CECR2: variants seen among roughly 807,000 people sequenced by gnomAD.
The protein encoded by CECR2 is CECR2 histone acetyl-lysine reader.
CECR2 carries 30 observed loss-of-function variants against 154.5 expected under a neutral mutation model. The observed-to-expected ratio is 0.19, with a 90% CI of 0.15 to 0.26. The LOEUF is 0.26. CECR2 is among the 10% of genes least tolerant of loss of function. The pLI is 1.00. For missense variants in CECR2, 1,743 were observed against 1,829.3 expected (o/e 0.95, Z 0.86); for synonymous variants, 725 against 683.7 (o/e 1.06, Z -0.94).
chr22:17,426,806 G>A (rs5747126), intron 1 of CECR2, among the ~76,000 whole-genome samples: 10,229 of 151,940 alleles, frequency 0.067, 936 homozygotes, highest in East Asian at 0.36. Context: ...GGTTCTCTCT[G>A]TGTCCTATAA....
intron 9 of CECR2, among the ~76,000 whole-genome samples, chr22:17,532,700 C>CTTTTTTTTTTTTTTTTTTTTT (rs695634): frequency 2.8e-5 from 1 of 35,770 alleles, no homozygotes; most frequent in African/African-American, 1.2e-4. Flanking sequence ...CATTATTATT[C>CTTTTTTTTTTTTTTTTTTTTT]TTTTTTTTTT....
chr22:17,546,437 GAT>G (rs1171886906), intron 16 of CECR2, among the ~76,000 whole-genome samples: 2 of 138,488 alleles, frequency 1.4e-5, no homozygotes, highest in African/African-American at 2.8e-5. Context: ...AGTGAGCCGA[GAT>G]CGCGCCACTG....
At position 17,541,819 on chromosome 22, in the gene CECR2, CT is replaced by C. The variant is rs768597921; in HGVS notation, c.1885-17del. 1.3e-6 allele frequency: 2 copies of C among 1,593,318 alleles called. No homozygotes were observed. Among genetic ancestry groups the C allele is most frequent in the South Asian group, 1.1e-5 (1 of 87,970 alleles). Reference sequence around the variant, plus strand: ...GTGCCTTTCCTTTTTCCTCTTCTTGCTTTGTTCAATGTGCTGCAGAGGCCAG... The same window carrying C: ...GTGCCTTTCCTTTTTCCTCTTCTTGCTTGTTCAATGTGCTGCAGAGGCCAG... On this transcript the variant is annotated intron_variant, in intron 14 of 18. Coordinates refer to ENST00000262608, the MANE Select transcript of CECR2 (RefSeq NM_001290047.2).
intron 1 of CECR2, among the ~76,000 whole-genome samples, chr22:17,385,736 G>A (rs1391793327): frequency 6.6e-6 from 1 of 152,056 alleles, no homozygotes; most frequent in Non-Finnish European, 1.5e-5. Flanking sequence ...TCGCAGGGTC[G>A]GCACGAAATC....
At chr22:17,550,915 C>T (rs1161257028) in intron 17 of CECR2, among the ~76,000 whole-genome samples, 1 of 152,028 alleles carries the variant, frequency 6.6e-6, no homozygotes, top group Non-Finnish European at 1.5e-5. Context: ...GCACTCCAGC[C>T]TGGGCAACAG....
chr22:17,540,514 G>T lies in CECR2; in HGVS notation c.1598G>T (p.Arg533Leu). 1 of 1,611,542 alleles carries T rather than the reference G, an allele frequency of 6.2e-7. No homozygotes were observed. The highest frequency in any genetic ancestry group is 8.5e-7 in the Non-Finnish European group (1 of 1,178,518). Residue 533 changes from arginine (R) to leucine (L), a missense_variant, in exon 14 of 19, where the codon CGA becomes CTA. Physicochemically the swap from Arg to Leu is moderately radical, Grantham distance 102. Transcript: ENST00000262608. ...GACACAGATGAAGAATTTTGGATTC[G>T]AGAGGATGAAAAGCGGGAGAAAAGA... The part of the protein sequence containing the change: ...DGDTDEEFWI[R>L]EDEKREKRRS...
intron 1 of CECR2, among the ~76,000 whole-genome samples, chr22:17,437,948 C>A (rs575197623): frequency 1.9e-3 from 290 of 152,196 alleles, no homozygotes; most frequent in Non-Finnish European, 3.4e-3. Flanking sequence ...GACAAAGTTT[C>A]TTTTGTGGAG....
chr22:17,382,076 G>GAAAT (rs2063201845), intron 1 of CECR2, among the ~76,000 whole-genome samples: 1 of 150,220 alleles, frequency 6.7e-6, no homozygotes, highest in Non-Finnish European at 1.5e-5. Flanking sequence ...TTTTTTAGTA[G>GAAAT]GGACGAGGTT....
At chr22:17,398,260 A>C (rs994083998) in intron 1 of CECR2, among the ~76,000 whole-genome samples, 1 of 152,084 alleles carries the variant, frequency 6.6e-6, no homozygotes, top group African/African-American at 2.4e-5. Context: ...CGTTGGGCCC[A>C]AGAAAGCTGG....
intron 8 of CECR2, among the ~76,000 whole-genome samples, chr22:17,517,723 T>C (rs1415396439): frequency 1.3e-5 from 2 of 152,216 alleles, no homozygotes; most frequent in African/African-American, 2.4e-5. Context: ...CACAACTCAG[T>C]TACAAGGCTT....
intron 1 of CECR2, among the ~76,000 whole-genome samples, chr22:17,464,992 T>G (rs112369041): frequency 8.2e-6 from 1 of 121,974 alleles, no homozygotes; most frequent in Non-Finnish European, 1.6e-5. Flanking sequence ...AACATCAATA[T>G]TTAAATTTTT....
intron 9 of CECR2, among the ~76,000 whole-genome samples, chr22:17,532,700 CTTTTTTTTTTTTTTTTTT>C (rs695634): frequency 1.1e-4 from 4 of 35,770 alleles, no homozygotes; most frequent in South Asian, 3.4e-3. Flanking sequence ...CATTATTATT[CTTTTTTTTTTTTTTTTTT>C]TTTTTTTTTT....
At chr22:17,493,306 A>G (rs1328566409) in intron 2 of CECR2, among the ~76,000 whole-genome samples, 3 of 152,310 alleles carry the variant, frequency 2.0e-5, no homozygotes, top group East Asian at 3.9e-4. Context: ...CTGAAAGTAC[A>G]TGCAAAATTG....
chr22:17,393,478 T>C (rs1449587068), intron 1 of CECR2, among the ~76,000 whole-genome samples: 6 of 152,226 alleles, frequency 3.9e-5, no homozygotes, highest in Admixed American at 3.9e-4. Context: ...GCTCTAAACA[T>C]TTGTGTGCAG....
Position 17,405,982 on chromosome 22 carries a change from C to T in CECR2, c.126+36073C>T, listed in dbSNP as rs547041617. ...TCCCCTTTTCCCTTTCTATTTCTTC[C>T]TGCAGCCATGGGTTATTTAGAAATA... On this transcript the variant is annotated intron_variant, in intron 1 of 18. Transcript: ENST00000262608. Among the ~76,000 whole-genome samples the T allele has an allele frequency of 3.3e-5, 5 of 152,268 alleles. No individual in the cohort carries two copies. The East Asian group carries it at 9.6e-4, about 29-fold the overall frequency.
intron 8 of CECR2, among the ~76,000 whole-genome samples, chr22:17,523,154 A>G (rs950148328): frequency 1.3e-5 from 2 of 152,106 alleles, no homozygotes; most frequent in Non-Finnish European, 2.9e-5. Context: ...TAATCTCAGC[A>G]CTTTGGGAGG....
rs1209598318 is a variant in CECR2 at position 17,404,364 on chromosome 22, C to CTT, written c.126+34457_126+34458dup. Among the ~76,000 whole-genome samples, 274 of 59,596 alleles carry CTT rather than the reference C, an allele frequency of 4.6e-3. 56 individuals carry two copies. Among genetic ancestry groups the CTT allele is most frequent in the African/African-American group, 0.019 (250 of 13,286 alleles). 39.1% of individuals were successfully genotyped at this position (59,596 alleles called of 152,430 possible). On this transcript the variant is annotated intron_variant, in intron 1 of 18. Coordinates refer to ENST00000262608, the MANE Select transcript of CECR2 (RefSeq NM_001290047.2). ...TGTGGGTTCATTTCTGGACCCTGTT[C>CTT]TTTCTTTTTTTTTTTTTTTTTTTTT...
chr22:17,533,366 A>G (rs1404826167), intron 9 of CECR2, among the ~76,000 whole-genome samples: 2 of 151,696 alleles, frequency 1.3e-5, no homozygotes, highest in Admixed American at 1.3e-4. Context: ...ACAGTGGCTC[A>G]CACCTACAAT....
chr22:17,513,174 G>C (rs1383662109), intron 8 of CECR2, among the ~76,000 whole-genome samples: 1 of 152,082 alleles, frequency 6.6e-6, no homozygotes, highest in Non-Finnish European at 1.5e-5. Context: ...AACATAGCAA[G>C]ACCCCACCTC....
Sources: allele counts gnomAD v4.1 joint callset (sites outside exome capture counted in the v4.1 genomes callset), GRCh38; gene constraint gnomAD v4.1.1; transcripts MANE v1.5; gene names NCBI Gene and HGNC (gene_info 2026-07-23, HGNC 2026-07-21).